The following DPH6 variants were observed in gnomAD, a reference collection of about 807,000 sequenced individuals.
DPH6 encodes diphthamine biosynthesis 6, also known as diphthine--ammonia ligase.
DPH6 carries 33 observed loss-of-function variants against 38.2 expected under a neutral mutation model. The ratio of observed to expected loss-of-function variants is 0.86; its 90% confidence interval spans 0.65 to 1.15. The LOEUF (loss-of-function observed/expected upper bound fraction) is 1.15, where lower values mean the gene tolerates loss of function less well. DPH6 is among the 50% of genes most tolerant of loss of function. The probability of loss-of-function intolerance (pLI) is 0.00; values close to 1 mark genes in which losing one functional copy is unlikely to be tolerated. For synonymous variants in DPH6, 108 were observed against 103.0 expected (o/e 1.05, Z -0.30); for missense variants, 325 against 320.0 (o/e 1.02, Z -0.12).
At chr15:35,166,761 A>C in the DPH6 span, among the ~76,000 whole-genome samples, 1 of 151,998 alleles carries the variant, frequency 6.6e-6, no homozygotes, top group Non-Finnish European at 1.5e-5. Context: ...GATGAAAAAA[A>C]TGTCAAATGC....
rs1406551069 is a variant in DPH6 at position 35,237,412 on chromosome 15, G to A, written n.201-16830C>T. 1.5e-5 allele frequency: 24 copies of A among 1,605,482 alleles called. No individual in the cohort carries two copies. The East Asian group carries it at 4.2e-4, about 28-fold the overall frequency. On this transcript the variant is annotated intron_variant and non_coding_transcript_variant, in intron 3 of 3. Transcript: ENST00000560386. ...AACTTGTCCTGGACAACAGTCGGTC[G>A]AATGAAGGCAAACTCGAAGGCCTCA...
At chr15:35,289,440 G>T (rs938282110) in intron 3 of DPH6, among the ~76,000 whole-genome samples, 1 of 152,176 alleles carries the variant, frequency 6.6e-6, no homozygotes, top group Non-Finnish European at 1.5e-5. Flanking sequence ...ATGATACCTA[G>T]CACCGAAGAG....
chr15:35,298,408 CA>C (rs2052029706), intron 3 of DPH6: 4 of 739,706 alleles, frequency 5.4e-6, no homozygotes, highest in South Asian at 1.3e-5. Context: ...GCTTCATCAT[CA>C]GGGGCACCAG....
chr15:35,458,531 T>C (rs1012219501), intron 3 of DPH6, among the ~76,000 whole-genome samples: 3 of 152,292 alleles, frequency 2.0e-5, no homozygotes, highest in African/African-American at 7.2e-5. Context: ...AGAAAAGACA[T>C]AGCTAGGTTC....
chr15:35,227,752 G>A (rs1440716190), intron 3 of DPH6, among the ~76,000 whole-genome samples: 1 of 150,806 alleles, frequency 6.6e-6, no homozygotes, highest in African/African-American at 2.4e-5. Flanking sequence ...TTTTGATGTA[G>A]GCATTTATAG....
intron 3 of DPH6, among the ~76,000 whole-genome samples, chr15:35,359,653 G>C (rs541741032): frequency 1.7e-4 from 26 of 152,254 alleles, no homozygotes; most frequent in African/African-American, 6.3e-4. Flanking sequence ...TTAGCCAGTG[G>C]GTGCATGTTT....
chr15:35,410,035 A>G lies in DPH6; in HGVS notation c.567+800T>C, dbSNP rs187693605. ...TCCCCAAAAAAGGTAAAACCCATGAAGTTATTGAAAAGTGTAACTGCTAAG... is the reference window on the plus strand; with the variant it reads ...TCCCCAAAAAAGGTAAAACCCATGAGGTTATTGAAAAGTGTAACTGCTAAG... On this transcript the variant is annotated intron_variant, in intron 6 of 8. Transcript: ENST00000256538. 1.0e-3 allele frequency among the ~76,000 whole-genome samples: 156 copies of G among 151,996 alleles called. 1 individual carries two copies. Among genetic ancestry groups the G allele is most frequent in the African/African-American group, 3.6e-3 (151 of 41,554 alleles).
At chr15:35,163,256 A>G in the DPH6 span, among the ~76,000 whole-genome samples, 2 of 151,812 alleles carry the variant, frequency 1.3e-5, no homozygotes, top group African/African-American at 4.8e-5. Context: ...TTAACCTTCC[A>G]TAGAGCCCAA....
chr15:35,344,200 G>T (rs757296600), intron 3 of DPH6, among the ~76,000 whole-genome samples: 2 of 151,888 alleles, frequency 1.3e-5, no homozygotes, highest in Non-Finnish European at 2.9e-5. Context: ...GAAAGAAAAA[G>T]GATTGGCAGG....
chr15:35,502,688 G>C (rs1232407057), intron 3 of DPH6, among the ~76,000 whole-genome samples: 1 of 151,572 alleles, frequency 6.6e-6, no homozygotes, highest in Non-Finnish European at 1.5e-5. Context: ...AAGCTAACTG[G>C]AGTAATTCTT....
At chr15:35,219,163 A>T (rs555093515) in exon 4 of DPH6, 1 of 152,200 alleles carries the variant, frequency 6.6e-6, no homozygotes, top group Non-Finnish European at 1.5e-5. Context: ...GCATCCTTTT[A>T]TGTGCTCTGT....
At chr15:35,346,168 T>C (rs1249301244) in intron 3 of DPH6, among the ~76,000 whole-genome samples, 1 of 151,992 alleles carries the variant, frequency 6.6e-6, no homozygotes, top group Non-Finnish European at 1.5e-5. Context: ...TGGTTATACT[T>C]AACAGAATCT....
At chr15:35,311,394 C>T (rs1185405471) in intron 3 of DPH6, among the ~76,000 whole-genome samples, 1 of 152,118 alleles carries the variant, frequency 6.6e-6, no homozygotes, top group Non-Finnish European at 1.5e-5. Context: ...AAATAAATGG[C>T]AGTCTTCTTA....
chr15:35,393,529 C>A (rs564192971), intron 6 of DPH6, among the ~76,000 whole-genome samples: 1 of 152,204 alleles, frequency 6.6e-6, no homozygotes, highest in African/African-American at 2.4e-5. Flanking sequence ...AGGGTATGAT[C>A]TAATGGCAAT....
chr15:35,179,747 A>T, the DPH6 span, among the ~76,000 whole-genome samples: 1 of 152,172 alleles, frequency 6.6e-6, no homozygotes, highest in African/African-American at 2.4e-5. Flanking sequence ...GAATGGGGTG[A>T]TACTTGTGAG....
chr15:35,227,574 A>G (rs1203112466), intron 3 of DPH6, among the ~76,000 whole-genome samples: 1 of 151,756 alleles, frequency 6.6e-6, no homozygotes, highest in Admixed American at 6.6e-5. Context: ...ATTTTTCCAA[A>G]AACCAACTTT....
the DPH6 span, among the ~76,000 whole-genome samples, chr15:35,212,084 G>C: frequency 6.6e-6 from 1 of 152,134 alleles, no homozygotes. Context: ...GACGAAGATA[G>C]CACTTTTAGA....
rs558728760 is a variant in DPH6 at position 35,405,613 on chromosome 15, A to G, written c.567+5222T>C. On this transcript the variant is annotated intron_variant, in intron 6 of 8. Transcript: ENST00000256538. The stretch of plus-strand genomic sequence containing the variant: ...CTAATAGTTTTTTGTTGGTCTCTTT[A>G]GGTTTTTTGAAATATACAATCATAT... Among the ~76,000 whole-genome samples the G allele has an allele frequency of 1.4e-4, 21 of 152,102 alleles. No individual in the cohort carries two copies. The South Asian group carries it at 4.4e-3, about 32-fold the overall frequency.
chr15:35,296,734 G>T (rs1432456084), intron 3 of DPH6, among the ~76,000 whole-genome samples: 9 of 151,614 alleles, frequency 5.9e-5, no homozygotes, highest in Non-Finnish European at 1.2e-4. Context: ...TATTTTCCTA[G>T]TACTTTAACT....
Sources: allele counts gnomAD v4.1 joint callset (sites outside exome capture counted in the v4.1 genomes callset), GRCh38; gene constraint gnomAD v4.1.1; transcripts MANE v1.5; gene names NCBI Gene and HGNC (gene_info 2026-07-23, HGNC 2026-07-21).